The following CACNA2D1 variants were observed in gnomAD, a reference collection of about 807,000 sequenced individuals.
CACNA2D1 encodes the protein voltage-dependent calcium channel subunit alpha-2/delta-1.
A neutral mutation model predicts 171.5 loss-of-function variants in CACNA2D1; 53 were observed. That is an observed-to-expected ratio of 0.31 (90% confidence interval 0.25 to 0.39). The LOEUF (loss-of-function observed/expected upper bound fraction) is 0.39, where lower values mean the gene tolerates loss of function less well. Among genes scored for constraint, CACNA2D1 ranks in the 10% least tolerant of loss-of-function variants. The probability of loss-of-function intolerance (pLI) is 1.00; values close to 1 mark genes in which losing one functional copy is unlikely to be tolerated. For synonymous variants in CACNA2D1, 442 were observed against 443.1 expected (o/e 1.00, Z 0.03); for missense variants, 903 against 1,299.8 (o/e 0.69, Z 4.69).
intron 1 of CACNA2D1, among the ~76,000 whole-genome samples, chr7:82,412,957 G>C (rs1410663604): frequency 6.6e-6 from 1 of 151,948 alleles, no homozygotes; most frequent in Non-Finnish European, 1.5e-5. Context: ...GTGTTTATAA[G>C]CCATTCAAAT....
At chr7:82,352,204 G>A (rs757240814) in intron 1 of CACNA2D1, among the ~76,000 whole-genome samples, 4 of 152,104 alleles carry the variant, frequency 2.6e-5, no homozygotes, top group Non-Finnish European at 5.9e-5. Context: ...TAAATATGAG[G>A]TGTTAACTTG....
intron 38 of CACNA2D1, among the ~76,000 whole-genome samples, chr7:81,954,632 G>A (rs1008730254): frequency 5.3e-5 from 8 of 152,044 alleles, no homozygotes; most frequent in Admixed American, 5.3e-4. Context: ...ATTAAATTTA[G>A]AAGTACATGT....
intron 2 of CACNA2D1, among the ~76,000 whole-genome samples, chr7:82,338,371 T>C (rs1460979202): frequency 6.6e-6 from 1 of 152,060 alleles, no homozygotes; most frequent in East Asian, 1.9e-4. Context: ...TCTCACTTTA[T>C]TGCCCAGGCT....
chr7:82,056,726 T>C (rs1240382427), intron 10 of CACNA2D1, among the ~76,000 whole-genome samples: 1 of 152,160 alleles, frequency 6.6e-6, no homozygotes, highest in Non-Finnish European at 1.5e-5. Flanking sequence ...TTTTACCCCC[T>C]TGGAGAAGGG....
intron 38 of CACNA2D1, among the ~76,000 whole-genome samples, chr7:81,952,074 T>C (rs1792661051): frequency 6.6e-6 from 1 of 150,674 alleles, no homozygotes; most frequent in South Asian, 2.1e-4. Flanking sequence ...TGCATTTCCC[T>C]GATAATTAGT....
At chr7:82,208,070 G>A (rs1800191606) in intron 3 of CACNA2D1, among the ~76,000 whole-genome samples, 1 of 152,082 alleles carries the variant, frequency 6.6e-6, no homozygotes, top group Non-Finnish European at 1.5e-5. Context: ...GAGAAAAGGT[G>A]GCTGTCACTT....
At chr7:82,357,070 T>TA in intron 1 of CACNA2D1, among the ~76,000 whole-genome samples, 1 of 152,294 alleles carries the variant, frequency 6.6e-6, no homozygotes, top group Non-Finnish European at 1.5e-5. Context: ...TTATATCCTC[T>TA]ACTTCACTTT....
chr7:82,244,945 A>T (rs1366106425), intron 3 of CACNA2D1, among the ~76,000 whole-genome samples: 1 of 152,212 alleles, frequency 6.6e-6, no homozygotes, highest in Non-Finnish European at 1.5e-5. Flanking sequence ...GTATTATTTT[A>T]AAATGCATAA....
At chr7:82,146,351 GAT>G (rs141319970) in intron 4 of CACNA2D1, among the ~76,000 whole-genome samples, 1,529 of 123,400 alleles carry the variant, frequency 0.012, 28 homozygotes, top group African/African-American at 0.044. Context: ...TAGAAGAAAT[GAT>G]ATATATATAT....
intron 4 of CACNA2D1, among the ~76,000 whole-genome samples, chr7:82,157,075 G>A (rs906172082): frequency 4.6e-5 from 7 of 152,050 alleles, no homozygotes; most frequent in African/African-American, 9.7e-5. Flanking sequence ...TGGTACAATT[G>A]CCTGTCTTTC....
intron 3 of CACNA2D1, among the ~76,000 whole-genome samples, chr7:82,207,805 T>C (rs1800163290): frequency 6.6e-6 from 1 of 152,222 alleles, no homozygotes; most frequent in Non-Finnish European, 1.5e-5. Flanking sequence ...AATTTAATTC[T>C]ATAGATTTAG....
At chr7:82,122,255 C>A (rs1167497299) in intron 5 of CACNA2D1, among the ~76,000 whole-genome samples, 1 of 152,072 alleles carries the variant, frequency 6.6e-6, no homozygotes, top group Non-Finnish European at 1.5e-5. Flanking sequence ...AGTTAAAATG[C>A]AATACTGATC....
chr7:82,388,538 G>T (rs1824695517), intron 1 of CACNA2D1, among the ~76,000 whole-genome samples: 1 of 152,162 alleles, frequency 6.6e-6, no homozygotes, highest in Non-Finnish European at 1.5e-5. Context: ...AGAGTGGCAG[G>T]AGAATATAAT....
rs201403234 is a variant in CACNA2D1 at position 82,034,447 on chromosome 7, T to G, written c.1039-1546A>C. Among the ~76,000 whole-genome samples the G allele has an allele frequency of 9.2e-5, 14 of 152,126 alleles. No homozygotes were observed. In the East Asian group the frequency reaches 2.7e-3, roughly 29 times the overall value. On this transcript the variant is annotated intron_variant, in intron 11 of 38. Coordinates refer to ENST00000356860, the MANE Select transcript of CACNA2D1 (RefSeq NM_000722.4). ...TTCCATGGACTCAGCCATTAGAACA[T>G]TGGCAGTAAAAGCTTTTAATCAAAC...
At chr7:82,215,142 A>C (rs1426004579) in intron 3 of CACNA2D1, among the ~76,000 whole-genome samples, 1 of 152,206 alleles carries the variant, frequency 6.6e-6, no homozygotes, top group East Asian at 1.9e-4. Context: ...AAAATGATGA[A>C]AGAAATGAAA....
intron 1 of CACNA2D1, among the ~76,000 whole-genome samples, chr7:82,376,580 T>C (rs1823037882): frequency 6.6e-6 from 1 of 152,196 alleles, no homozygotes; most frequent in Non-Finnish European, 1.5e-5. Flanking sequence ...AAAGGAACAG[T>C]TGCACACTTC....
At chr7:82,257,212 G>A (rs547295752) in intron 3 of CACNA2D1, among the ~76,000 whole-genome samples, 139 of 152,284 alleles carry the variant, frequency 9.1e-4, no homozygotes, top group Non-Finnish European at 1.6e-3. Flanking sequence ...GACTCAGTGT[G>A]GTAGCTTACA....
At chr7:82,085,922 A>C (rs1236262017) in intron 6 of CACNA2D1, among the ~76,000 whole-genome samples, 3 of 152,160 alleles carry the variant, frequency 2.0e-5, no homozygotes, top group Admixed American at 6.6e-5. Context: ...ACCCTTCATG[A>C]TCATAACTTC....
chr7:81,957,744 A>C (rs1793585654), intron 38 of CACNA2D1, among the ~76,000 whole-genome samples: 1 of 152,146 alleles, frequency 6.6e-6, no homozygotes, highest in African/African-American at 2.4e-5. Flanking sequence ...TAGCACACCA[A>C]GCTACTGAGC....
Sources: gnomAD v4.1 joint callset for allele counts (sites outside exome capture counted in the v4.1 genomes callset) on GRCh38, gnomAD v4.1.1 for gene constraint, MANE v1.5 for transcripts, NCBI Gene and HGNC (gene_info 2026-07-23, HGNC 2026-07-21) for gene names.